The following CDYL2 variants were observed in gnomAD, a reference collection of about 807,000 sequenced individuals.
CDYL2 encodes the protein chromodomain Y like 2.
Under a neutral mutation model 49.4 loss-of-function variants are expected in CDYL2, and 23 were observed. The ratio of observed to expected loss-of-function variants is 0.47; its 90% CI spans 0.34 to 0.66. CDYL2 has a LOEUF of 0.66. CDYL2 is among the 30% of genes least tolerant of loss of function. CDYL2 has a pLI of 0.01. For missense variants in CDYL2, 678 were observed against 656.4 expected, an observed-to-expected ratio of 1.03 and a Z score of -0.36; for synonymous variants, 360 against 268.8, an observed-to-expected ratio of 1.34 and a Z score of -3.32.
intron 2 of CDYL2, among the ~76,000 whole-genome samples, chr16:80,639,497 A>C (rs1907984699): frequency 6.6e-6 from 1 of 152,204 alleles, no homozygotes; most frequent in Admixed American, 6.5e-5. Context: ...GTACATTCAT[A>C]ATATGCAACA....
chr16:80,612,504 C>T lies in CDYL2; in HGVS notation c.1218+122G>A, dbSNP rs965998093. The T allele has an allele frequency of 4.2e-6, 4 of 959,454 alleles. No homozygotes were observed. The highest frequency in any genetic ancestry group is 6.2e-6 in the Non-Finnish European group (4 of 643,782). 59.4% of individuals were successfully genotyped at this position (959,454 alleles called of 1,614,324 possible). On this transcript the variant is annotated intron_variant, in intron 5 of 6. Coordinates refer to ENST00000570137, the MANE Select transcript of CDYL2 (RefSeq NM_152342.4). This position sits in a 1 kb window ranked among gnomAD's most constrained non-coding sequence, Gnocchi z 5.0. ...CACTGAAGGTGTGAAGGACATGAGG[C>T]AGCCAAGCCAATCTGCAGGCTGACA...
At chr16:80,763,382 G>A (rs528823483) in intron 1 of CDYL2, among the ~76,000 whole-genome samples, 2 of 2,918 alleles carry the variant, frequency 6.9e-4, no homozygotes, top group East Asian at 7.6e-3. Flanking sequence ...AGGCCGAGGC[G>A]GGCAGATCAC....
rs1908024940 is a variant in CDYL2, at chr16:80,804,186, A to G, written c.-13T>C. 1 of 1,318,064 alleles carries G rather than the reference A, an allele frequency of 7.6e-7. No homozygotes were observed. The highest frequency in any genetic ancestry group is 2.7e-5 in the Admixed American group (1 of 37,674). The allele number at this position is 1,318,064 out of a possible 1,614,324, so 81.6% of individuals were successfully genotyped here. A position where few individuals can be genotyped will look rare whatever the true frequency, so the allele number is the denominator to read the frequency against. On this transcript the variant is annotated 5_prime_UTR_variant, in exon 1 of 7. Transcript: ENST00000570137. ...CCCCAGAAGCCATGCCAGGCTGCGG[A>G]ACTTGGCTCGCCGGTGTGCGCGTCT... is the stretch of plus-strand genomic sequence containing the variant.
chr16:80,604,661 G>A, intron 6 of CDYL2, 115 bp from the exon 7 acceptor site: 1 of 1,041,350 alleles, frequency 9.6e-7, no homozygotes, highest in Non-Finnish European at 1.5e-6. Context: ...AGAGAAGGCT[G>A]CCTCCTCCAG....
At chr16:80,707,160 TA>T (rs776167169) in intron 1 of CDYL2, among the ~76,000 whole-genome samples, 5 of 152,112 alleles carry the variant, frequency 3.3e-5, no homozygotes, top group Non-Finnish European at 5.9e-5. Flanking sequence ...AGAAAATTTT[TA>T]GACAATAAAA....
chr16:80,713,937 G>A (rs1011084403), intron 1 of CDYL2, among the ~76,000 whole-genome samples: 7 of 152,112 alleles, frequency 4.6e-5, no homozygotes, highest in African/African-American at 9.7e-5. Flanking sequence ...AACAGCAGAT[G>A]TCAGAATGAA....
At chr16:80,670,148 C>T (rs931743094) in intron 2 of CDYL2, among the ~76,000 whole-genome samples, 1 of 152,234 alleles carries the variant, frequency 6.6e-6, no homozygotes, top group Non-Finnish European at 1.5e-5. Flanking sequence ...TCAACAAAAG[C>T]ACATGACAAA....
At chr16:80,751,433 T>G (rs1039786640) in intron 1 of CDYL2, among the ~76,000 whole-genome samples, 1 of 152,186 alleles carries the variant, frequency 6.6e-6, no homozygotes, top group Non-Finnish European at 1.5e-5. Flanking sequence ...CTGAAAAGCC[T>G]GGCAGAAACA....
intron 1 of CDYL2, among the ~76,000 whole-genome samples, chr16:80,779,688 A>G (rs1907200913): frequency 6.6e-6 from 1 of 152,162 alleles, no homozygotes; most frequent in African/African-American, 2.4e-5. Flanking sequence ...GAACACTATT[A>G]AATGAAGTAA....
intron 2 of CDYL2, among the ~76,000 whole-genome samples, chr16:80,653,400 G>A (rs1265402437): frequency 1.3e-5 from 2 of 152,154 alleles, no homozygotes; most frequent in Non-Finnish European, 2.9e-5. Flanking sequence ...AGGAGGTGGA[G>A]GTTGCAGTAA....
intron 2 of CDYL2, among the ~76,000 whole-genome samples, chr16:80,666,277 T>G (rs1387106061): frequency 6.6e-6 from 1 of 152,194 alleles, no homozygotes; most frequent in Non-Finnish European, 1.5e-5. Context: ...GAGAGCAATT[T>G]TAAAGGTGAA....
intron 2 of CDYL2, among the ~76,000 whole-genome samples, chr16:80,682,516 G>C (rs1031968987): frequency 6.6e-6 from 1 of 152,182 alleles, no homozygotes; most frequent in Non-Finnish European, 1.5e-5. Context: ...AGCACAAGAG[G>C]CACACCCTCA....
rs78170700 is a variant in CDYL2 at position 80,598,209 on chromosome 16, G to C, written c.*6179C>G. 6.6e-6 allele frequency: 1 copy of C among 151,690 alleles called. No homozygotes were observed. The highest frequency in any genetic ancestry group is 2.0e-4 in the East Asian group (1 of 5,120). 9.4% of individuals were successfully genotyped at this position (151,690 alleles called of 1,614,324 possible). On this transcript the variant is annotated 3_prime_UTR_variant, in exon 7 of 7. Transcript: ENST00000570137. Reference sequence around the variant, plus strand: ...TTACAAATATTCAGAACTAGTTAAAGACTCTCCCATGATAATCTGGCAAAA... The same window carrying C: ...TTACAAATATTCAGAACTAGTTAAACACTCTCCCATGATAATCTGGCAAAA...
At chr16:80,610,733 C>A (rs897917205) in intron 5 of CDYL2, among the ~76,000 whole-genome samples, 1 of 152,228 alleles carries the variant, frequency 6.6e-6, no homozygotes, top group African/African-American at 2.4e-5. Context: ...AAGCTCCCAG[C>A]ACACTTTGCA....
At chr16:80,647,782 A>G (rs1021095826) in intron 2 of CDYL2, among the ~76,000 whole-genome samples, 1 of 152,202 alleles carries the variant, frequency 6.6e-6, no homozygotes, top group African/African-American at 2.4e-5. Flanking sequence ...ATTTTAATTC[A>G]CAAAACAAGT....
chr16:80,771,133 T>C (rs115395483), intron 1 of CDYL2, among the ~76,000 whole-genome samples: 41 of 152,358 alleles, frequency 2.7e-4, no homozygotes, highest in African/African-American at 9.6e-4. Context: ...AAGATGATCC[T>C]ATATTTCTCC....
intron 4 of CDYL2, among the ~76,000 whole-genome samples, chr16:80,620,099 A>G (rs983850505): frequency 3.9e-5 from 6 of 152,236 alleles, no homozygotes; most frequent in African/African-American, 9.6e-5. Context: ...ACAGCTGTAA[A>G]CCAGCTAAAC....
intron 1 of CDYL2, among the ~76,000 whole-genome samples, chr16:80,763,489 G>A (rs2142385829): frequency 6.6e-6 from 1 of 152,136 alleles, no homozygotes; most frequent in African/African-American, 2.4e-5. Flanking sequence ...GCAGGCACCT[G>A]TAATCCCAGC....
Position 80,671,505 on chromosome 16 carries a change from A to T in CDYL2, c.616+13033T>A, listed in dbSNP as rs528451868. Reference sequence around the variant, plus strand: ...CTAAGCACACCAGCCCCTGCCCCAAACGCATCTTCTCACCAACCAGCAAAC... The same window carrying T: ...CTAAGCACACCAGCCCCTGCCCCAATCGCATCTTCTCACCAACCAGCAAAC... On this transcript the variant is annotated intron_variant, in intron 2 of 6. Coordinates refer to ENST00000570137, the MANE Select transcript of CDYL2 (RefSeq NM_152342.4). 4.1e-4 allele frequency among the ~76,000 whole-genome samples: 62 copies of T among 152,186 alleles called. 1 individual carries two copies. The highest frequency in any genetic ancestry group is 7.4e-4 in the Non-Finnish European group (50 of 67,978).
Sources: gnomAD v4.1 joint callset for allele counts (sites outside exome capture counted in the v4.1 genomes callset) on GRCh38, gnomAD v4.1.1 for gene constraint, Gnocchi (gnomAD v3.1) non-coding constraint, MANE v1.5 for transcripts, NCBI Gene and HGNC (gene_info 2026-07-23, HGNC 2026-07-21) for gene names.